PPP1R9A: variants seen among roughly 807,000 people sequenced by gnomAD.
PPP1R9A encodes protein phosphatase 1 regulatory subunit 9A.
Under a neutral mutation model 141.9 loss-of-function variants are expected in PPP1R9A, and 59 were observed. That is an observed-to-expected ratio of 0.42 (90% CI 0.34 to 0.52). PPP1R9A has a LOEUF of 0.52. Among genes scored for constraint, PPP1R9A ranks in the 20% least tolerant of loss-of-function variants. The pLI is 0.10. For missense variants in PPP1R9A, 1,444 were observed against 1,611.9 expected, an observed-to-expected ratio of 0.90 and a Z score of 1.78; for synonymous variants, 500 against 569.7, an observed-to-expected ratio of 0.88 and a Z score of 1.74.
intron 7 of PPP1R9A, among the ~76,000 whole-genome samples, chr7:95,216,055 T>C (rs1228636792): frequency 3.3e-5 from 5 of 152,264 alleles, no homozygotes; most frequent in Non-Finnish European, 5.9e-5. Context: ...CCCATGCCTA[T>C]GTTCTGAATG....
chr7:95,273,704 A>G (rs1297709616), intron 14 of PPP1R9A, among the ~76,000 whole-genome samples, 195 bp from the exon 15 acceptor site: 1 of 152,202 alleles, frequency 6.6e-6, no homozygotes, highest in Non-Finnish European at 1.5e-5. Context: ...CCTCTGTCCT[A>G]TAGAGGACCT....
intron 8 of PPP1R9A, among the ~76,000 whole-genome samples, chr7:95,229,374 C>T (rs1323032207): frequency 6.6e-6 from 1 of 151,970 alleles, no homozygotes; most frequent in Non-Finnish European, 1.5e-5. Flanking sequence ...GGTGAGTTCT[C>T]AGCCCTGGTC....
intron 5 of PPP1R9A, among the ~76,000 whole-genome samples, chr7:95,170,425 C>A (rs1831933139): frequency 1.3e-5 from 2 of 151,396 alleles, no homozygotes; most frequent in Non-Finnish European, 3.0e-5. Flanking sequence ...ATGAAAACTA[C>A]ATGAAGAGAC....
chr7:95,081,037 A>C (rs1563209277), intron 2 of PPP1R9A, among the ~76,000 whole-genome samples: 1 of 152,208 alleles, frequency 6.6e-6, no homozygotes, highest in Non-Finnish European at 1.5e-5. Flanking sequence ...CTCAAAGACA[A>C]AGAATAAGAC....
At chr7:94,909,857 A>G (rs1024249192) in intron 1 of PPP1R9A, 41 bp from the exon 2 acceptor site, 2 of 326,246 alleles carry the variant, frequency 6.1e-6, no homozygotes, top group East Asian at 4.7e-5. Context: ...ATAAATTCAA[A>G]TAAGTAAATG....
intron 2 of PPP1R9A, among the ~76,000 whole-genome samples, chr7:94,924,589 T>C (rs1793230200): frequency 6.6e-6 from 1 of 152,106 alleles, no homozygotes; most frequent in East Asian, 1.9e-4. Flanking sequence ...AGTGCTGTGG[T>C]GTGATCTCAG....
Position 95,077,606 on chromosome 7 carries a change from A to G in PPP1R9A, c.1396-33653A>G, listed in dbSNP as rs191963284. ...TGCATTGTTAGCTGCCCCCCCAATA[A>G]CAAAGACAGATTAACAAGAAAAAAC... is the stretch of plus-strand genomic sequence containing the variant. On this transcript the variant is annotated intron_variant, in intron 2 of 19. Transcript: ENST00000433360. Among the ~76,000 whole-genome samples the G allele has an allele frequency of 2.0e-5, 3 of 152,296 alleles. No homozygotes were observed. The East Asian group carries it at 5.8e-4, about 29-fold the overall frequency.
intron 8 of PPP1R9A, among the ~76,000 whole-genome samples, chr7:95,243,967 A>G (rs932599984): frequency 2.0e-5 from 3 of 152,156 alleles, no homozygotes; most frequent in Admixed American, 1.3e-4. Flanking sequence ...TATAAAACAA[A>G]AAGGGTTCAG....
intron 4 of PPP1R9A, among the ~76,000 whole-genome samples, chr7:95,151,941 CTTTTTTTTTTTTTTTTT>C (rs1167382285): frequency 3.7e-5 from 2 of 54,462 alleles, no homozygotes; most frequent in South Asian, 7.4e-4. Context: ...TACTGAGAAT[CTTTTTTTTTTTTTTTTT>C]TTTTTTTTTT....
intron 2 of PPP1R9A, among the ~76,000 whole-genome samples, chr7:94,920,047 G>A (rs1211004897): frequency 6.6e-6 from 1 of 152,024 alleles, no homozygotes; most frequent in African/African-American, 2.4e-5. Context: ...GAAAATTCTG[G>A]ACATCTTTTG....
At chr7:95,108,332 T>TTC (rs1554509667) in intron 2 of PPP1R9A, among the ~76,000 whole-genome samples, 2 of 139,968 alleles carry the variant, frequency 1.4e-5, no homozygotes, top group African/African-American at 5.5e-5. Flanking sequence ...TTTTTTTTTT[T>TTC]TGAGACAGTC....
rs537898627 is a variant in PPP1R9A at position 95,090,536 on chromosome 7, C to T, written c.1396-20723C>T. On this transcript the variant is annotated intron_variant, in intron 2 of 19. Coordinates refer to ENST00000433360, the MANE Select transcript of PPP1R9A (RefSeq NM_001166160.2). ...AAGAAAATAAAAAATCAGCCAGGCA[C>T]GATGGCTCAAGCCTGTAATCTCAGC... 1.6e-4 allele frequency among the ~76,000 whole-genome samples: 25 copies of T among 152,012 alleles called. 1 individual carries two copies. The South Asian group carries it at 4.2e-3, about 25-fold the overall frequency.
chr7:95,266,263 A>T (rs1319538312), intron 12 of PPP1R9A, among the ~76,000 whole-genome samples: 1 of 152,078 alleles, frequency 6.6e-6, no homozygotes, highest in East Asian at 1.9e-4. Context: ...CTGTTATTAA[A>T]CCAACCAGAC....
At position 95,111,245 on chromosome 7, in the gene PPP1R9A, G is replaced by A. The variant is rs763992046; in HGVS notation, c.1396-14G>A. ...TTTTTTCTGTATTATCATCTTGTTG[G>A]CCTCTTACTACAGGTTTTCAACACA... On this transcript the variant is annotated splice_polypyrimidine_tract_variant and intron_variant, in intron 2 of 19. Transcript: ENST00000433360. The A allele has an allele frequency of 4.5e-6, 7 of 1,567,600 alleles. No individual in the cohort carries two copies. Among genetic ancestry groups the A allele is most frequent in the South Asian group, 1.2e-5 (1 of 83,306 alleles).
chr7:95,179,778 CAAAAAAAA>C (rs61054939), intron 5 of PPP1R9A, among the ~76,000 whole-genome samples: 8 of 97,004 alleles, frequency 8.2e-5, no homozygotes, highest in African/African-American at 2.7e-4. Flanking sequence ...ACAATAGCTG[CAAAAAAAA>C]AAAAAAAAAA....
At chr7:95,003,898 C>T (rs2151546550) in intron 2 of PPP1R9A, among the ~76,000 whole-genome samples, 1 of 152,198 alleles carries the variant, frequency 6.6e-6, no homozygotes, top group South Asian at 2.1e-4. Flanking sequence ...AAAGGAGTGA[C>T]CTGTAGATTA....
chr7:94,965,418 G>C (rs983624743), intron 2 of PPP1R9A, among the ~76,000 whole-genome samples: 1 of 152,078 alleles, frequency 6.6e-6, no homozygotes, highest in Non-Finnish European at 1.5e-5. Context: ...GGATGGTACT[G>C]CCTAGATTTT....
At chr7:95,231,341 C>A (rs980497639) in intron 8 of PPP1R9A, among the ~76,000 whole-genome samples, 50 of 152,184 alleles carry the variant, frequency 3.3e-4, no homozygotes, top group African/African-American at 1.2e-3. Flanking sequence ...GGTGGGTCAT[C>A]AAGACAGAAA....
At chr7:94,907,260 G>A (rs544490138), upstream of PPP1R9A, 670 of 152,350 alleles carry the variant, frequency 4.4e-3, no homozygotes, top group Non-Finnish European at 5.8e-3. Context: ...ACTCTCCCTA[G>A]ACAGGAAAGG....
Sources: gnomAD v4.1 joint callset for allele counts (sites outside exome capture counted in the v4.1 genomes callset) on GRCh38, gnomAD v4.1.1 for gene constraint, MANE v1.5 for transcripts, NCBI Gene and HGNC (gene_info 2026-07-23, HGNC 2026-07-21) for gene names.